The following NBAS variants were observed in gnomAD, a reference collection of about 807,000 sequenced individuals.
NBAS encodes the protein NAG/BC035112 fusion.
NBAS carries 219 observed loss-of-function variants against 302.5 expected under a neutral mutation model. The ratio of observed to expected loss-of-function variants is 0.72; its 90% CI spans 0.65 to 0.81. The LOEUF (loss-of-function observed/expected upper bound fraction) is 0.81, where lower values mean the gene tolerates loss of function less well. Ranked by LOEUF, NBAS falls within the 30% of genes least tolerant of loss-of-function variation. NBAS has a pLI of 0.00. For missense variants in NBAS, 2,932 were observed against 2,841.6 expected (o/e 1.03, Z -0.72); for synonymous variants, 1,118 against 1,021.6 (o/e 1.09, Z -1.80).
chr2:15,315,027 G>C (rs1375201984), intron 38 of NBAS, among the ~76,000 whole-genome samples: 1 of 152,206 alleles, frequency 6.6e-6, no homozygotes, highest in Non-Finnish European at 1.5e-5. Flanking sequence ...CGTGTGCTGG[G>C]AAGAGGCTAA....
chr2:14,829,582 G>A, the NBAS span, among the ~76,000 whole-genome samples: 1 of 152,138 alleles, frequency 6.6e-6, no homozygotes, highest in Non-Finnish European at 1.5e-5. Context: ...AGCAATCTTT[G>A]GTGATGTTGT....
chr2:14,823,939 G>C, the NBAS span, among the ~76,000 whole-genome samples: 2 of 152,120 alleles, frequency 1.3e-5, no homozygotes, highest in African/African-American at 4.8e-5. Context: ...AAACCACTCC[G>C]AGGCACTGTC....
chr2:15,534,851 G>A (rs143343674), intron 8 of NBAS, among the ~76,000 whole-genome samples: 204 of 152,256 alleles, frequency 1.3e-3, no homozygotes, highest in African/African-American at 4.4e-3. Context: ...AATAAACTAT[G>A]TCTCCCCTAT....
the NBAS span, among the ~76,000 whole-genome samples, chr2:14,955,226 C>A: frequency 6.6e-6 from 1 of 152,246 alleles, no homozygotes; most frequent in Admixed American, 6.5e-5. Context: ...TCCTTTGACT[C>A]CATGTCTCAC....
At chr2:15,190,184 T>C in intron 49 of NBAS, 80 bp downstream of exon 49, 1 of 1,499,018 alleles carries the variant, frequency 6.7e-7, no homozygotes, top group Non-Finnish European at 9.2e-7. Context: ...TTTCATTGGC[T>C]CTTTGGAAGG....
At chr2:15,362,137 A>G (rs1428585456) in intron 32 of NBAS, among the ~76,000 whole-genome samples, 2 of 152,016 alleles carry the variant, frequency 1.3e-5, no homozygotes, top group South Asian at 2.1e-4. Context: ...TATGTACTTC[A>G]TAAGTTTAAA....
chr2:15,059,965 A>AC, the NBAS span, among the ~76,000 whole-genome samples: 2 of 64,678 alleles, frequency 3.1e-5, no homozygotes, highest in African/African-American at 6.7e-5. Context: ...AAAAAAAAAC[A>AC]AAAAAAAAAA....
At chr2:14,902,548 G>A in the NBAS span, among the ~76,000 whole-genome samples, 1 of 152,328 alleles carries the variant, frequency 6.6e-6, no homozygotes, top group Admixed American at 6.5e-5. Flanking sequence ...CCCATGTGTA[G>A]AATATCTGTG....
chr2:14,823,303 A>G, the NBAS span, among the ~76,000 whole-genome samples: 1 of 152,218 alleles, frequency 6.6e-6, no homozygotes, highest in Admixed American at 6.5e-5. Context: ...TCTCGTTTAC[A>G]TGATTCACTT....
chr2:15,283,354 C>T (rs1280032961), intron 42 of NBAS, among the ~76,000 whole-genome samples: 2 of 152,048 alleles, frequency 1.3e-5, no homozygotes, highest in African/African-American at 4.8e-5. Flanking sequence ...TTATAGTTCC[C>T]ATAATCCCCA....
At chr2:15,082,014 A>G in the NBAS span, among the ~76,000 whole-genome samples, 3 of 152,220 alleles carry the variant, frequency 2.0e-5, no homozygotes, top group African/African-American at 4.8e-5. Context: ...ATATCTATCT[A>G]CCAGGGAAAT....
At chr2:15,166,421 G>T (rs892658136), downstream of NBAS, among the ~76,000 whole-genome samples, 1 of 152,186 alleles carries the variant, frequency 6.6e-6, no homozygotes, top group African/African-American at 2.4e-5. Flanking sequence ...GCTATGCCCT[G>T]AAGGTCATAA....
the NBAS span, among the ~76,000 whole-genome samples, chr2:15,056,091 C>A: frequency 1.3e-5 from 1 of 75,090 alleles, no homozygotes. Context: ...TTTTTAGAGT[C>A]TCCTGGAAGT....
At chr2:15,502,958 TTC>T (rs1375836151) in intron 11 of NBAS, among the ~76,000 whole-genome samples, 1 of 152,240 alleles carries the variant, frequency 6.6e-6, no homozygotes, top group East Asian at 1.9e-4. Context: ...TTAAAAAAAT[TTC>T]TTTCTTTACA....
intron 25 of NBAS, among the ~76,000 whole-genome samples, chr2:15,404,602 T>TCC (rs1378923362): frequency 6.6e-6 from 1 of 151,544 alleles, no homozygotes. Flanking sequence ...AACCTCCACC[T>TCC]CCCAGGTCCA....
the NBAS span, among the ~76,000 whole-genome samples, chr2:15,140,479 T>C: frequency 1.2e-4 from 18 of 152,302 alleles, no homozygotes; most frequent in African/African-American, 4.1e-4. Context: ...CTTAACCAAG[T>C]CATTTAACTC....
chr2:15,454,074 G>T (rs1679141825), intron 21 of NBAS, among the ~76,000 whole-genome samples: 1 of 152,066 alleles, frequency 6.6e-6, no homozygotes, highest in Admixed American at 6.6e-5. Flanking sequence ...ACCACACCCT[G>T]TCTAGTAACA....
the NBAS span, among the ~76,000 whole-genome samples, chr2:14,809,936 G>A: frequency 6.6e-6 from 1 of 152,208 alleles, no homozygotes; most frequent in African/African-American, 2.4e-5. Context: ...TCATTTTGGA[G>A]CTTTAAGATT....
chr2:15,377,077 T>A lies in NBAS; in HGVS notation c.3591-2357A>T, dbSNP rs116410972. 5.3e-3 allele frequency among the ~76,000 whole-genome samples: 802 copies of A among 152,184 alleles called. 6 individuals carry two copies. The highest frequency in any genetic ancestry group is 0.018 in the African/African-American group (728 of 41,522). ...AGAAATTGTAAAAGAACCACAATTT[T>A]AAAAAAATTCTGAATAGCAATTGGA... On this transcript the variant is annotated intron_variant, in intron 30 of 51. Coordinates refer to ENST00000281513, the MANE Select transcript of NBAS (RefSeq NM_015909.4).
Sources: allele counts gnomAD v4.1 joint callset (sites outside exome capture counted in the v4.1 genomes callset), GRCh38; gene constraint gnomAD v4.1.1; transcripts MANE v1.5; gene names NCBI Gene and HGNC (gene_info 2026-07-23, HGNC 2026-07-21).